TEX36: variants seen among roughly 807,000 people sequenced by gnomAD.
The protein encoded by TEX36 is testis expressed 36, also known as testis-expressed protein 36.
In TEX36, 12 loss-of-function variants were observed where a neutral mutation model predicts 13.6. The ratio of observed to expected loss-of-function variants is 0.88; its 90% CI spans 0.56 to 1.43. The LOEUF is 1.43. Ranked by LOEUF, TEX36 falls within the 40% of genes most tolerant of loss-of-function variation. TEX36 has a pLI of 0.00. For missense variants in TEX36, 224 were observed against 228.3 expected (o/e 0.98, Z 0.12); for synonymous variants, 93 against 83.0 (o/e 1.12, Z -0.65).
intron 3 of TEX36, among the ~76,000 whole-genome samples, chr10:125,638,638 A>G (rs941213566): frequency 4.6e-5 from 7 of 152,368 alleles, no homozygotes; most frequent in African/African-American, 1.7e-4. Context: ...CTATCGCTAC[A>G]TCTTCTCCCT....
At chr10:125,607,927 C>A (rs1056872845) in intron 3 of TEX36, among the ~76,000 whole-genome samples, 9 of 152,078 alleles carry the variant, frequency 5.9e-5, no homozygotes, top group Admixed American at 5.9e-4. Context: ...AGTGAGAATT[C>A]GAGTCTCCAG....
intron 1 of TEX36, among the ~76,000 whole-genome samples, chr10:125,663,750 T>C (rs999677408): frequency 6.6e-6 from 1 of 152,222 alleles, no homozygotes; most frequent in South Asian, 2.1e-4. Flanking sequence ...TATATATTTA[T>C]GGGGTACATA....
At chr10:125,579,709 C>T (rs1180836187) in intron 3 of TEX36, among the ~76,000 whole-genome samples, 3 of 152,036 alleles carry the variant, frequency 2.0e-5, no homozygotes, top group Admixed American at 1.3e-4. Flanking sequence ...AGTGAATTCT[C>T]GTGAGACCTG....
intron 3 of TEX36, among the ~76,000 whole-genome samples, chr10:125,591,776 C>T (rs894074691): frequency 6.6e-6 from 1 of 152,156 alleles, no homozygotes; most frequent in Non-Finnish European, 1.5e-5. Context: ...TTAGCAGATG[C>T]GTTCATGACG....
chr10:125,660,439 T>C (rs2133594723), intron 3 of TEX36, among the ~76,000 whole-genome samples: 1 of 152,326 alleles, frequency 6.6e-6, no homozygotes, highest in South Asian at 2.1e-4. Flanking sequence ...GAATATATTA[T>C]TAAAGTAAAT....
chr10:125,618,390 GCT>G (rs1345230458), downstream of TEX36, among the ~76,000 whole-genome samples: 3 of 152,140 alleles, frequency 2.0e-5, no homozygotes, highest in African/African-American at 7.2e-5. Flanking sequence ...CAGTTTTTCT[GCT>G]CTGTTTTTTC....
chr10:125,627,942 AGAT>A (rs1222231556), intron 3 of TEX36, among the ~76,000 whole-genome samples: 1 of 152,192 alleles, frequency 6.6e-6, no homozygotes, highest in African/African-American at 2.4e-5. Flanking sequence ...TCCAAATGAG[AGAT>A]TAAGAGACTT....
At chr10:125,659,861 G>T (rs1169745191) in intron 3 of TEX36, among the ~76,000 whole-genome samples, 1 of 152,124 alleles carries the variant, frequency 6.6e-6, no homozygotes, top group South Asian at 2.1e-4. Flanking sequence ...GGACTTTCAG[G>T]TTCCATGAGG....
chr10:125,669,302 T>A lies in TEX36; in HGVS notation c.52-7325A>T, dbSNP rs540542288. Among the ~76,000 whole-genome samples the A allele has an allele frequency of 9.4e-5, 14 of 148,370 alleles. 1 individual carries two copies. The South Asian group carries it at 2.8e-3, about 29-fold the overall frequency. On this transcript the variant is annotated intron_variant, in intron 1 of 3. Coordinates refer to ENST00000368821, the MANE Select transcript of TEX36 (RefSeq NM_001128202.3). The stretch of plus-strand genomic sequence containing the variant: ...GAGACTCCATCTCAAAAAAAATAAA[T>A]AAATAAAATAAATAAATAAATACAA...
In TEX36 at chr10:125,586,782, C is replaced by T. The variant is rs533603147; in HGVS notation, c.265-9908G>A. Among the ~76,000 whole-genome samples, 7 of 151,206 alleles carry T rather than the reference C, an allele frequency of 4.6e-5. 1 individual carries two copies. Among genetic ancestry groups the T allele is most frequent in the Admixed American group, 4.6e-4 (7 of 15,166 alleles). Reference sequence around the variant, plus strand: ...CTCCAGTCTGGGCTCCAAAATGAGACCCTGTCTAAAAAAAAAGAAGAAAAA... The same window carrying T: ...CTCCAGTCTGGGCTCCAAAATGAGATCCTGTCTAAAAAAAAAGAAGAAAAA... On this transcript the variant is annotated intron_variant, in intron 3 of 3. Transcript: ENST00000532135.
At chr10:125,621,041 T>C (rs1846424585), downstream of TEX36, among the ~76,000 whole-genome samples, 1 of 152,208 alleles carries the variant, frequency 6.6e-6, no homozygotes, top group Non-Finnish European at 1.5e-5. Flanking sequence ...CAATGGACAC[T>C]TATTTCTATG....
intron 1 of TEX36, among the ~76,000 whole-genome samples, chr10:125,680,756 C>G (rs920453086): frequency 3.3e-5 from 5 of 152,218 alleles, no homozygotes; most frequent in African/African-American, 1.2e-4. Context: ...TTTTTATGCT[C>G]TTAGGTGCTG....
chr10:125,682,878 C>CA (rs1362489864), intron 1 of TEX36, 61 bp downstream of exon 1: 2 of 1,533,008 alleles, frequency 1.3e-6, no homozygotes, highest in African/African-American at 2.8e-5. Flanking sequence ...TGGAACTCCT[C>CA]AGACTGTTGA....
At chr10:125,598,030 G>A (rs1036805264) in intron 3 of TEX36, among the ~76,000 whole-genome samples, 28 of 152,248 alleles carry the variant, frequency 1.8e-4, no homozygotes, top group South Asian at 8.3e-4. Context: ...GAAGAGACTC[G>A]AAATTTGTCC....
At chr10:125,588,671 G>A (rs1845987483) in intron 3 of TEX36, among the ~76,000 whole-genome samples, 1 of 152,170 alleles carries the variant, frequency 6.6e-6, no homozygotes, top group South Asian at 2.1e-4. Context: ...CTGGAGTGCT[G>A]TGGCCCAATC....
intron 3 of TEX36, among the ~76,000 whole-genome samples, chr10:125,579,917 G>T (rs922716041): frequency 6.6e-6 from 1 of 152,168 alleles, no homozygotes; most frequent in African/African-American, 2.4e-5. Flanking sequence ...GTCTCAGGTA[G>T]TACTTTAGCA....
intron 1 of TEX36, among the ~76,000 whole-genome samples, chr10:125,676,435 A>G (rs1188818482): frequency 6.6e-6 from 1 of 152,002 alleles, no homozygotes; most frequent in Non-Finnish European, 1.5e-5. Context: ...ACTGTTGTGC[A>G]CTTTTGTTTT....
intron 3 of TEX36, among the ~76,000 whole-genome samples, chr10:125,641,078 A>T (rs1263544176): frequency 2.6e-5 from 4 of 152,078 alleles, no homozygotes; most frequent in Non-Finnish European, 2.9e-5. Flanking sequence ...ACCAGCTGTG[A>T]TATGTCCTGA....
chr10:125,668,985 C>T (rs1025000184), intron 1 of TEX36, among the ~76,000 whole-genome samples: 1 of 151,984 alleles, frequency 6.6e-6, no homozygotes, highest in Non-Finnish European at 1.5e-5. Flanking sequence ...ATGGTGAAAC[C>T]CTGTCTCTAC....
Sources: allele counts gnomAD v4.1 joint callset (sites outside exome capture counted in the v4.1 genomes callset), GRCh38; gene constraint gnomAD v4.1.1; transcripts MANE v1.5; gene names NCBI Gene and HGNC (gene_info 2026-07-23, HGNC 2026-07-21).